Variants in SLC25A13 observed in about 807,000 individuals in gnomAD.
SLC25A13 encodes solute carrier family 25 member 13.
SLC25A13 carries 70 observed loss-of-function variants against 85.5 expected under a neutral mutation model. The ratio of observed to expected loss-of-function variants is 0.82; its 90% CI spans 0.68 to 1.00. SLC25A13 has a LOEUF of 1.00. Ranked by LOEUF, SLC25A13 falls within the 50% of genes least tolerant of loss-of-function variation. The pLI is 0.00. For missense variants in SLC25A13, 765 were observed against 819.8 expected, an observed-to-expected ratio of 0.93 and a Z score of 0.82; for synonymous variants, 259 against 288.7, an observed-to-expected ratio of 0.90 and a Z score of 1.04.
Position 96,168,278 on chromosome 7 carries a change from GA to G in SLC25A13, c.1311+1766del, listed in dbSNP as rs982661310. 9.9e-5 allele frequency among the ~76,000 whole-genome samples: 15 copies of G among 152,006 alleles called. No homozygotes were observed. In the East Asian group the frequency reaches 1.6e-3, roughly 16 times the overall value. On this transcript the variant is annotated intron_variant, in intron 13 of 17. Transcript: ENST00000265631. ...ACTTCTTAAAGTAATGATTGGGGGG[GA>G]AAAAGGCAAGGGAGAAGACTTGAAA...
At chr7:96,253,618 A>G (rs1010521192) in intron 3 of SLC25A13, among the ~76,000 whole-genome samples, 1 of 152,218 alleles carries the variant, frequency 6.6e-6, no homozygotes, top group Admixed American at 6.5e-5. Context: ...AGCAGGAGCA[A>G]TAAGAGTGAC....
At chr7:96,266,258 C>T (rs149926631) in intron 3 of SLC25A13, among the ~76,000 whole-genome samples, 55 of 152,356 alleles carry the variant, frequency 3.6e-4, no homozygotes, top group South Asian at 4.1e-4. Context: ...CCACTGGCTA[C>T]ACTTTGAGGT....
At chr7:96,241,721 G>A (rs1288411354) in intron 3 of SLC25A13, among the ~76,000 whole-genome samples, 1 of 151,426 alleles carries the variant, frequency 6.6e-6, no homozygotes, top group Non-Finnish European at 1.5e-5. Flanking sequence ...CTTACAGTAA[G>A]AAAAAAATAA....
intron 11 of SLC25A13, among the ~76,000 whole-genome samples, chr7:96,183,435 A>G (rs1002245943): frequency 2.6e-5 from 4 of 152,118 alleles, no homozygotes; most frequent in Non-Finnish European, 5.9e-5. Context: ...TCATCTAGAG[A>G]GAGCATTAGT....
At chr7:96,128,869 C>T (rs950722126) in intron 15 of SLC25A13, among the ~76,000 whole-genome samples, 4 of 151,238 alleles carry the variant, frequency 2.6e-5, no homozygotes, top group African/African-American at 9.7e-5. Context: ...ACCCTTGTGA[C>T]ATTCACGCCT....
At chr7:96,240,231 G>A (rs1796917935) in intron 3 of SLC25A13, among the ~76,000 whole-genome samples, 1 of 152,204 alleles carries the variant, frequency 6.6e-6, no homozygotes, top group Non-Finnish European at 1.5e-5. Context: ...GAATTCAGAG[G>A]AGGGAAAGAT....
At chr7:96,167,463 T>C (rs1011364067) in intron 13 of SLC25A13, among the ~76,000 whole-genome samples, 43 of 152,294 alleles carry the variant, frequency 2.8e-4, no homozygotes, top group African/African-American at 1.0e-3. Flanking sequence ...TCTCCCTACA[T>C]ACTTTCCTCA....
intron 3 of SLC25A13, among the ~76,000 whole-genome samples, chr7:96,266,070 T>C (rs1798034581): frequency 6.6e-6 from 1 of 152,198 alleles, no homozygotes; most frequent in African/African-American, 2.4e-5. Flanking sequence ...TGGAGGGACA[T>C]CAATGTTCAG....
intron 15 of SLC25A13, among the ~76,000 whole-genome samples, chr7:96,130,040 A>T (rs1244278951): frequency 6.6e-6 from 1 of 152,246 alleles, no homozygotes; most frequent in Non-Finnish European, 1.5e-5. Flanking sequence ...GTACTTTTCA[A>T]ATATTTTATA....
At chr7:96,131,240 T>G (rs1183665894) in intron 15 of SLC25A13, among the ~76,000 whole-genome samples, 1 of 152,230 alleles carries the variant, frequency 6.6e-6, no homozygotes, top group African/African-American at 2.4e-5. Flanking sequence ...CATCTGTGAT[T>G]TAATTACCAC....
chr7:96,165,049 T>C (rs745770576), intron 13 of SLC25A13, among the ~76,000 whole-genome samples: 51 of 152,358 alleles, frequency 3.3e-4, no homozygotes, highest in Non-Finnish European at 6.3e-4. Flanking sequence ...TTCTTTCATT[T>C]AACCAATATT....
intron 3 of SLC25A13, among the ~76,000 whole-genome samples, chr7:96,243,261 G>T (rs532191893): frequency 1.3e-5 from 2 of 152,094 alleles, no homozygotes; most frequent in East Asian, 3.9e-4. Flanking sequence ...CAACCACACC[G>T]GCCCCAGAGT....
At chr7:96,190,327 A>G (rs1009828864) in intron 7 of SLC25A13, among the ~76,000 whole-genome samples, 166 of 151,964 alleles carry the variant, frequency 1.1e-3, no homozygotes, top group African/African-American at 3.8e-3. Context: ...TCCTGACCTC[A>G]TGATCTGCCC....
rs150745435 is a variant in SLC25A13, at chr7:96,155,966, T to C, written c.1312-9270A>G. Among the ~76,000 whole-genome samples, 3 of 152,352 alleles carry C rather than the reference T, an allele frequency of 2.0e-5. No individual in the cohort carries two copies. The East Asian group carries it at 5.8e-4, about 29-fold the overall frequency. On this transcript the variant is annotated intron_variant, in intron 13 of 17. Transcript: ENST00000265631. ...CCACGCTCAGAACCATTACGCCTAG[T>C]TGTCTCTTGTGAAAAAGCAGATTCA... is the stretch of plus-strand genomic sequence containing the variant.
intron 14 of SLC25A13, among the ~76,000 whole-genome samples, chr7:96,134,813 A>ATATATATATATATATATATATAT (rs1554337551): frequency 9.7e-4 from 138 of 142,816 alleles, no homozygotes; most frequent in South Asian, 1.4e-3. Flanking sequence ...ATATATATAT[A>ATATATATATATATATATATATAT]ACCCTGAGGA....
chr7:96,191,269 A>G, intron 6 of SLC25A13, 22 bp from the exon 7 acceptor site: 1 of 1,612,870 alleles, frequency 6.2e-7, no homozygotes, highest in Admixed American at 1.7e-5. Context: ...TGAAAACAAG[A>G]GAGAAGAAAA....
intron 4 of SLC25A13, among the ~76,000 whole-genome samples, chr7:96,221,480 T>C (rs1454797658): frequency 6.6e-6 from 1 of 152,174 alleles, no homozygotes; most frequent in Non-Finnish European, 1.5e-5. Flanking sequence ...ATGAAGAACT[T>C]TCCCCAAGTA....
At chr7:96,197,595 T>C (rs533856262) in intron 5 of SLC25A13, among the ~76,000 whole-genome samples, 1 of 152,340 alleles carries the variant, frequency 6.6e-6, no homozygotes, top group African/African-American at 2.4e-5. Flanking sequence ...TCAAAGCTCC[T>C]GGTTTGCACC....
intron 15 of SLC25A13, among the ~76,000 whole-genome samples, chr7:96,125,157 T>TGGCTC (rs1230345258): frequency 6.6e-6 from 1 of 152,174 alleles, no homozygotes; most frequent in Non-Finnish European, 1.5e-5. Flanking sequence ...CGCACGATCT[T>TGGCTC]GGCTCACTGC....
Sources: gnomAD v4.1 joint callset for allele counts (sites outside exome capture counted in the v4.1 genomes callset) on GRCh38, gnomAD v4.1.1 for gene constraint, MANE v1.5 for transcripts, NCBI Gene and HGNC (gene_info 2026-07-23, HGNC 2026-07-21) for gene names.